The following TSNARE1 variants were observed in gnomAD, a reference collection of about 807,000 sequenced individuals.
The protein encoded by TSNARE1 is t-SNARE domain-containing protein 1.
In TSNARE1, 49 loss-of-function variants were observed where a neutral mutation model predicts 62.0. The ratio of observed to expected loss-of-function variants is 0.79; its 90% confidence interval spans 0.63 to 1.00. The LOEUF is 1.00. TSNARE1 is among the 50% of genes least tolerant of loss of function. The pLI is 0.00. For synonymous variants in TSNARE1, 328 were observed against 294.4 expected (o/e 1.11, Z -1.17); for missense variants, 755 against 700.1 (o/e 1.08, Z -0.88).
intron 1 of TSNARE1, among the ~76,000 whole-genome samples, chr8:142,359,854 A>G (rs1162369172): frequency 6.6e-6 from 1 of 152,228 alleles, no homozygotes. Context: ...TGGCCACAGC[A>G]TGCCACTCCT....
intron 12 of TSNARE1, among the ~76,000 whole-genome samples, chr8:142,256,551 C>CCATCACCAT (rs1188471023): frequency 3.0e-5 from 4 of 134,026 alleles, no homozygotes; most frequent in Non-Finnish European, 4.8e-5. Flanking sequence ...ACCACCATCA[C>CCATCACCAT]CATCACCACC....
intron 2 of TSNARE1, among the ~76,000 whole-genome samples, chr8:142,351,923 A>C (rs1051871010): frequency 6.6e-6 from 1 of 152,230 alleles, no homozygotes; most frequent in Non-Finnish European, 1.5e-5. Context: ...ACAAAAATCA[A>C]AGGTCAATTA....
At chr8:142,359,014 G>A (rs553089172) in intron 1 of TSNARE1, among the ~76,000 whole-genome samples, 6 of 152,028 alleles carry the variant, frequency 3.9e-5, no homozygotes, top group Admixed American at 6.5e-5. Context: ...CTCTTGCTGC[G>A]CCCCTGCCCC....
At chr8:142,281,767 G>T (rs1821517371) in intron 11 of TSNARE1, among the ~76,000 whole-genome samples, 1 of 152,038 alleles carries the variant, frequency 6.6e-6, no homozygotes, top group African/African-American at 2.4e-5. Context: ...GTGGGCCTGG[G>T]CGGGGTCACT....
chr8:142,223,926 C>T (rs535502992), intron 13 of TSNARE1, among the ~76,000 whole-genome samples: 20 of 152,240 alleles, frequency 1.3e-4, no homozygotes, highest in Admixed American at 7.8e-4. Flanking sequence ...CTGGACAATG[C>T]CACGTCCTGG....
At position 142,381,468 on chromosome 8, in the gene TSNARE1, G is replaced by GCC. The variant is rs542900493; in HGVS notation, c.-40+21634_-40+21635dup. On this transcript the variant is annotated intron_variant, in intron 1 of 13. Coordinates refer to ENST00000524325, the MANE Select transcript of TSNARE1 (RefSeq NM_145003.5). ...TCTCCCCTTGCTAAAACCTATCAGC[G>GCC]CCCCCCCCCACCCCACCAAGCACAA... is the stretch of plus-strand genomic sequence containing the variant. 4.7e-3 allele frequency among the ~76,000 whole-genome samples: 714 copies of GCC among 150,772 alleles called. 5 individuals carry two copies. Among genetic ancestry groups the GCC allele is most frequent in the South Asian group, 0.032 (153 of 4,720 alleles).
intron 13 of TSNARE1, among the ~76,000 whole-genome samples, chr8:142,214,093 G>T (rs1332830406): frequency 6.6e-6 from 1 of 152,212 alleles, no homozygotes; most frequent in Non-Finnish European, 1.5e-5. Context: ...CATGGCCAGG[G>T]TCTGAGGGCC....
chr8:142,273,333 G>A (rs1819907108), intron 12 of TSNARE1: 1 of 985,308 alleles, frequency 1.0e-6, no homozygotes, highest in African/African-American at 1.7e-5. Flanking sequence ...CCTTCTGCGT[G>A]GTGTGGCCCT....
At chr8:142,258,195 C>T (rs1042450329) in intron 12 of TSNARE1, among the ~76,000 whole-genome samples, 2 of 152,214 alleles carry the variant, frequency 1.3e-5, no homozygotes, top group Non-Finnish European at 2.9e-5. Context: ...TGTGCACACA[C>T]AGTACACGAG....
In TSNARE1 at chr8:142,273,784, G is replaced by A. The variant is rs991141409; in HGVS notation, c.1446+997C>T. Reference sequence around the variant, plus strand: ...TCATTCTCCACCCAGTCAGGCCCCTGCGTGGTTCCAGCTGCGGCCCCCTTT... The same window carrying A: ...TCATTCTCCACCCAGTCAGGCCCCTACGTGGTTCCAGCTGCGGCCCCCTTT... On this transcript the variant is annotated intron_variant, in intron 12 of 13. Coordinates refer to ENST00000524325, the MANE Select transcript of TSNARE1 (RefSeq NM_145003.5). The A allele has an allele frequency of 6.1e-6, 6 of 985,282 alleles. No homozygotes were observed. In the African/African-American group the frequency reaches 7.0e-5, roughly 11 times the overall value. The allele number at this position is 985,282 out of a possible 1,614,324, so 61.0% of individuals were successfully genotyped here.
chr8:142,399,477 T>C (rs941778906), intron 1 of TSNARE1, among the ~76,000 whole-genome samples: 1 of 152,170 alleles, frequency 6.6e-6, no homozygotes, highest in Non-Finnish European at 1.5e-5. Flanking sequence ...GGAGGAATGA[T>C]GATCTTCCCC....
chr8:142,269,978 C>G (rs1356634069), intron 12 of TSNARE1: 1 of 985,336 alleles, frequency 1.0e-6, no homozygotes, highest in Non-Finnish European at 1.2e-6. Context: ...TTTTGACTCT[C>G]GGCTGTGCCA....
At chr8:142,285,302 G>GGATGGATGGATGGGTAGGTA (rs1296558007) in intron 10 of TSNARE1, among the ~76,000 whole-genome samples, 5 of 150,636 alleles carry the variant, frequency 3.3e-5, no homozygotes, top group Admixed American at 6.6e-5. Context: ...ATGGGTAGGT[G>GGATGGATGGATGGGTAGGTA]GATGGATGGA....
intron 12 of TSNARE1, among the ~76,000 whole-genome samples, chr8:142,241,763 C>A (rs1213653564): frequency 6.6e-6 from 1 of 152,210 alleles, no homozygotes. Flanking sequence ...ATATGACAGT[C>A]TCTGCAACAA....
rs551339040 is a variant in TSNARE1, at chr8:142,377,453, T to C, written c.-39-22690A>G. ...TTGCAACAAACATGACAAAGGCTGC[T>C]ACCCTCAATAAATAAGGCCCTCCTA... On this transcript the variant is annotated intron_variant, in intron 1 of 13. Coordinates refer to ENST00000524325, the MANE Select transcript of TSNARE1 (RefSeq NM_145003.5). 3.3e-5 allele frequency among the ~76,000 whole-genome samples: 5 copies of C among 152,306 alleles called. No homozygotes were observed. The South Asian group carries it at 1.0e-3, about 32-fold the overall frequency.
Position 142,331,849 on chromosome 8 carries a change from G to A in TSNARE1, c.746-18C>T. 3 of 1,600,636 alleles carry A rather than the reference G, an allele frequency of 1.9e-6. No homozygotes were observed. Among genetic ancestry groups the A allele is most frequent in the Non-Finnish European group, 2.6e-6 (3 of 1,173,364 alleles). ...CTGGGTGGCTGGGAGAAGACAGGGA[G>A]GAGGAAAGAACACAGGCTAAGGGTG... On this transcript the variant is annotated intron_variant, in intron 4 of 13. Transcript: ENST00000524325.
intron 4 of TSNARE1, among the ~76,000 whole-genome samples, chr8:142,342,252 C>T (rs1832693552): frequency 6.6e-6 from 1 of 152,268 alleles, no homozygotes; most frequent in Non-Finnish European, 1.5e-5. Flanking sequence ...ACTGCCACTG[C>T]CTGCTACCTC....
chr8:142,346,956 C>G (rs1437550506), intron 2 of TSNARE1, among the ~76,000 whole-genome samples: 1 of 152,214 alleles, frequency 6.6e-6, no homozygotes, highest in Non-Finnish European at 1.5e-5. Flanking sequence ...TGGGCGAGGG[C>G]CCAAAGGCTA....
chr8:142,382,836 C>T (rs1411548890), intron 1 of TSNARE1, among the ~76,000 whole-genome samples: 2 of 152,238 alleles, frequency 1.3e-5, no homozygotes, highest in African/African-American at 2.4e-5. Context: ...TCTGTCCTTC[C>T]ACAGATCACA....
Sources: gnomAD v4.1 joint callset for allele counts (sites outside exome capture counted in the v4.1 genomes callset) on GRCh38, gnomAD v4.1.1 for gene constraint, MANE v1.5 for transcripts, NCBI Gene and HGNC (gene_info 2026-07-23, HGNC 2026-07-21) for gene names.